PLXNA2: variants seen among roughly 807,000 people sequenced by gnomAD.
The protein encoded by PLXNA2 is plexin-A2.
PLXNA2 carries 91 observed loss-of-function variants against 193.5 expected under a neutral mutation model. The ratio of observed to expected loss-of-function variants is 0.47; its 90% confidence interval spans 0.40 to 0.56. PLXNA2 has a LOEUF of 0.56. Among genes scored for constraint, PLXNA2 ranks in the 20% least tolerant of loss-of-function variants. PLXNA2 has a pLI of 0.00. For missense variants in PLXNA2, 1,995 were observed against 2,503.2 expected (o/e 0.80, Z 4.33); for synonymous variants, 997 against 1,027.3 (o/e 0.97, Z 0.56).
chr1:208,191,923 C>T (rs1190496299), intron 3 of PLXNA2, among the ~76,000 whole-genome samples: 19 of 152,144 alleles, frequency 1.2e-4, no homozygotes, highest in Admixed American at 1.2e-3. Flanking sequence ...TGAGAACAAG[C>T]ATGAAGACGT....
At chr1:208,098,805 A>T in intron 6 of PLXNA2, 41 bp downstream of exon 6, 1 of 1,605,030 alleles carries the variant, frequency 6.2e-7, no homozygotes, top group Non-Finnish European at 8.5e-7. Context: ...AGGTGCATGC[A>T]CTGTATTCCC....
chr1:208,164,049 T>G (rs1571985860), intron 3 of PLXNA2, among the ~76,000 whole-genome samples: 1 of 152,240 alleles, frequency 6.6e-6, no homozygotes, highest in East Asian at 1.9e-4. Flanking sequence ...ACTTGTGGGT[T>G]CTGACGCTTC....
chr1:208,059,746 G>A (rs890923379), intron 13 of PLXNA2, among the ~76,000 whole-genome samples: 2 of 152,170 alleles, frequency 1.3e-5, no homozygotes, highest in African/African-American at 4.8e-5. Context: ...ACCTCTCAGA[G>A]TCCTTACCAA....
chr1:208,189,136 C>T (rs779559803), intron 3 of PLXNA2, among the ~76,000 whole-genome samples: 1 of 152,202 alleles, frequency 6.6e-6, no homozygotes, highest in Non-Finnish European at 1.5e-5. Context: ...GGGATCCCTC[C>T]AAGCCTTAAG....
Position 208,026,228 on chromosome 1 carries a change from G to A in PLXNA2, c.*1015C>T, listed in dbSNP as rs1664338667. 6.6e-6 allele frequency: 1 copy of A among 152,286 alleles called. No homozygotes were observed. The highest frequency in any genetic ancestry group is 1.5e-5 in the Non-Finnish European group (1 of 68,046). The allele number at this position is 152,286 out of a possible 1,614,324, so 9.4% of individuals were successfully genotyped here. A position where few individuals can be genotyped will look rare whatever the true frequency, so the allele number is the denominator to read the frequency against. On this transcript the variant is annotated 3_prime_UTR_variant, in exon 32 of 32. Coordinates refer to ENST00000367033, the MANE Select transcript of PLXNA2 (RefSeq NM_025179.4). The stretch of plus-strand genomic sequence containing the variant: ...CACACCTCCAGGCCGTTTCCCCAGG[G>A]TGCCTGGTTTATGACAGGGATTGAT...
At chr1:208,235,583 T>C (rs1194422362) in intron 1 of PLXNA2, among the ~76,000 whole-genome samples, 1 of 152,208 alleles carries the variant, frequency 6.6e-6, no homozygotes, top group East Asian at 1.9e-4. Context: ...ATCTCCCTCC[T>C]GGGACCAGGG....
chr1:208,086,115 T>C (rs1434040268), intron 9 of PLXNA2, among the ~76,000 whole-genome samples: 1 of 152,182 alleles, frequency 6.6e-6, no homozygotes, highest in Non-Finnish European at 1.5e-5. Context: ...ATGATTGCTT[T>C]TGACACACAG....
At chr1:208,105,572 C>A (rs1424120609) in intron 4 of PLXNA2, among the ~76,000 whole-genome samples, 1 of 152,334 alleles carries the variant, frequency 6.6e-6, no homozygotes, top group African/African-American at 2.4e-5. Context: ...CCACCACCAC[C>A]AATTCACACC....
At chr1:208,125,803 C>T (rs766994422) in intron 4 of PLXNA2, among the ~76,000 whole-genome samples, 3 of 152,156 alleles carry the variant, frequency 2.0e-5, no homozygotes, top group African/African-American at 4.8e-5. Context: ...TGCTTCCAAC[C>T]TGCATCCGCT....
At chr1:208,231,050 T>G (rs1047731439) in intron 1 of PLXNA2, among the ~76,000 whole-genome samples, 1 of 152,106 alleles carries the variant, frequency 6.6e-6, no homozygotes, top group African/African-American at 2.4e-5. Context: ...AGTCCCTTGG[T>G]GAAGGAGCAC....
intron 28 of PLXNA2, among the ~76,000 whole-genome samples, chr1:208,032,481 G>A (rs957810317): frequency 2.2e-4 from 33 of 152,196 alleles, no homozygotes; most frequent in African/African-American, 7.5e-4. Flanking sequence ...ATGGGGTCTC[G>A]TGGAATATTT....
At chr1:208,039,010 C>T in intron 24 of PLXNA2, 26 bp from the exon 25 acceptor site, 2 of 1,608,232 alleles carry the variant, frequency 1.2e-6, no homozygotes, top group African/African-American at 2.7e-5. Context: ...AGAGGGTGAG[C>T]AGGACAGGAG....
intron 5 of PLXNA2, among the ~76,000 whole-genome samples, chr1:208,101,939 T>C (rs1027262088): frequency 9.9e-5 from 15 of 152,230 alleles, no homozygotes; most frequent in Non-Finnish European, 1.9e-4. Context: ...CCCTGCCTGC[T>C]GGCTGGTGGG....
At chr1:208,095,916 A>G (rs1488184017) in intron 8 of PLXNA2, 113 bp downstream of exon 8, 1 of 787,360 alleles carries the variant, frequency 1.3e-6, no homozygotes, top group East Asian at 2.4e-5. Flanking sequence ...CCATGGGGAA[A>G]CTGTGAGGTG....
chr1:208,120,567 G>GA (rs1260840759), intron 4 of PLXNA2, among the ~76,000 whole-genome samples: 1 of 152,216 alleles, frequency 6.6e-6, no homozygotes, highest in South Asian at 2.1e-4. Flanking sequence ...GGTGCAATTT[G>GA]AAAGAGGTGC....
chr1:208,181,154 C>CA (rs899271163), intron 3 of PLXNA2, among the ~76,000 whole-genome samples: 54 of 152,216 alleles, frequency 3.5e-4, no homozygotes, highest in African/African-American at 1.3e-3. Context: ...TAAGAAGCAT[C>CA]AGAGAGGCTT....
At chr1:208,204,609 T>A (rs553107734) in intron 3 of PLXNA2, among the ~76,000 whole-genome samples, 8 of 152,312 alleles carry the variant, frequency 5.3e-5, no homozygotes, top group Non-Finnish European at 1.2e-4. Context: ...ACCGTTGGTG[T>A]CTGATTCTAT....
In PLXNA2 at chr1:208,023,334, G is replaced by A. The variant is rs1247268820; in HGVS notation, c.*3909C>T. On this transcript the variant is annotated 3_prime_UTR_variant, in exon 32 of 32. Transcript: ENST00000367033. ...GTATTTACCAGGAGCAGGTTAATGG[G>A]GGCAGGCGTGGCAACCGGGATGCAC... 6.5e-6 allele frequency: 1 copy of A among 152,726 alleles called. No individual in the cohort carries two copies. Among genetic ancestry groups the A allele is most frequent in the Non-Finnish European group, 1.5e-5 (1 of 68,136 alleles). 9.5% of individuals were successfully genotyped at this position (152,726 alleles called of 1,614,324 possible).
At chr1:208,092,968 T>C (rs1043058761) in intron 8 of PLXNA2, 68 bp from the exon 9 acceptor site, 3 of 1,091,926 alleles carry the variant, frequency 2.7e-6, no homozygotes, top group Admixed American at 1.8e-5. Flanking sequence ...TGTGTCATGA[T>C]AGAAGTCTGT....
Sources: allele counts gnomAD v4.1 joint callset (sites outside exome capture counted in the v4.1 genomes callset), GRCh38; gene constraint gnomAD v4.1.1; transcripts MANE v1.5; gene names NCBI Gene and HGNC (gene_info 2026-07-23, HGNC 2026-07-21).